IGSF10: variants seen among roughly 807,000 people sequenced by gnomAD.
The protein encoded by IGSF10 is immunoglobulin superfamily member 10, also known as calvaria mechanical force protein 608.
Under a neutral mutation model 128.2 loss-of-function variants are expected in IGSF10, and 126 were observed. That is an observed-to-expected ratio of 0.98 (90% confidence interval 0.85 to 1.14). The LOEUF is 1.14. Among genes scored for constraint, IGSF10 ranks in the 50% most tolerant of loss-of-function variants. IGSF10 has a pLI of 0.00. For synonymous variants in IGSF10, 1,185 were observed against 1,146.2 expected (o/e 1.03, Z -0.68); for missense variants, 3,295 against 3,149.8 (o/e 1.05, Z -1.10).
At chr3:151,492,904 A>T in the IGSF10 span, among the ~76,000 whole-genome samples, 1 of 152,070 alleles carries the variant, frequency 6.6e-6, no homozygotes, top group African/African-American at 2.4e-5. Context: ...GATAAAGGAA[A>T]TGTGAGATAT....
At chr3:151,522,152 G>A in the IGSF10 span, among the ~76,000 whole-genome samples, 1 of 151,958 alleles carries the variant, frequency 6.6e-6, no homozygotes, top group East Asian at 1.9e-4. Context: ...GAACCAGGAA[G>A]AAAATCCCTG....
chr3:151,436,430 C>A lies in IGSF10; in HGVS notation c.*259G>T. On this transcript the variant is annotated 3_prime_UTR_variant, in exon 8 of 8. Transcript: ENST00000282466. ...AGCCATTTGTTATTTTATAGTGAAC[C>A]GTTTCAATGTTTGTTTATTGTTATT... 1 of 311,744 alleles carries A rather than the reference C, an allele frequency of 3.2e-6. No individual in the cohort carries two copies. Among genetic ancestry groups the A allele is most frequent in the Non-Finnish European group, 5.9e-6 (1 of 170,344 alleles). The allele number at this position is 311,744 out of a possible 1,614,324, so 19.3% of individuals were successfully genotyped here. A position where few individuals can be genotyped will look rare whatever the true frequency, so the allele number is the denominator to read the frequency against.
chr3:151,516,470 T>G, the IGSF10 span, among the ~76,000 whole-genome samples: 1 of 152,066 alleles, frequency 6.6e-6, no homozygotes, highest in African/African-American at 2.4e-5. Context: ...GCCTTATATG[T>G]GGATAAACTT....
the IGSF10 span, among the ~76,000 whole-genome samples, chr3:151,519,679 G>A: frequency 2.0e-5 from 3 of 151,662 alleles, no homozygotes; most frequent in African/African-American, 2.4e-5. Flanking sequence ...AGTGTGAAAG[G>A]CATGCTAAAA....
chr3:151,452,182 A>G (rs1446621863), intron 5 of IGSF10, among the ~76,000 whole-genome samples: 1 of 152,214 alleles, frequency 6.6e-6, no homozygotes, highest in Non-Finnish European at 1.5e-5. Flanking sequence ...GTGAGCCCCT[A>G]TGGGTTTAAT....
the IGSF10 span, among the ~76,000 whole-genome samples, chr3:151,467,753 G>A: frequency 7.3e-5 from 11 of 151,680 alleles, no homozygotes; most frequent in African/African-American, 1.7e-4. Context: ...GCGAGGTGGC[G>A]GGCACCTGTA....
chr3:151,488,248 G>C, the IGSF10 span, among the ~76,000 whole-genome samples: 6 of 152,140 alleles, frequency 3.9e-5, 1 homozygote, highest in South Asian at 1.2e-3. Context: ...TAAGTACCTA[G>C]GAATACAACT....
the IGSF10 span, among the ~76,000 whole-genome samples, chr3:151,547,427 T>TACACACACAC: frequency 2.6e-4 from 37 of 140,756 alleles, no homozygotes; most frequent in African/African-American, 8.0e-4. Flanking sequence ...TAAATATATA[T>TACACACACAC]ATACACACAC....
the IGSF10 span, among the ~76,000 whole-genome samples, chr3:151,541,826 A>G: frequency 6.6e-6 from 1 of 151,920 alleles, no homozygotes; most frequent in Non-Finnish European, 1.5e-5. Context: ...AGCTAGACCA[A>G]TCAGCTGTGG....
rs748451692 is a variant in IGSF10 at position 151,437,911 on chromosome 3, T to C, written c.6650A>G (p.Asn2217Ser). The C allele has an allele frequency of 5.0e-6, 8 of 1,614,020 alleles. 1 individual carries two copies. The highest frequency in any genetic ancestry group is 4.5e-5 in the East Asian group (2 of 44,894). Residue 2217 changes from asparagine (N) to serine (S), a missense_variant, in exon 8 of 8, where the codon AAT (asparagine) becomes AGT (serine). Coordinates refer to ENST00000282466, the MANE Select transcript of IGSF10 (RefSeq NM_178822.5). ...DSGEYVCVAR[N>S]PSGDDTKMYK... Reference sequence around the variant, plus strand: ...CATTTTGGTGTCATCCCCACTGGGATTTCGGGCTACACATACGTACTCTCC... The same window carrying C: ...CATTTTGGTGTCATCCCCACTGGGACTTCGGGCTACACATACGTACTCTCC...
Position 151,437,202 on chromosome 3 carries a change from A to G in IGSF10, c.7359T>C (p.His2453=), listed in dbSNP as rs1411663995. 6.2e-7 allele frequency: 1 copy of G among 1,614,190 alleles called. No individual in the cohort carries two copies. Among genetic ancestry groups the G allele is most frequent in the African/African-American group, 1.3e-5 (1 of 75,048 alleles). ...GCTTAGGGATTCCATCAGACACACA[A>G]TGCAGTGATAGAGATTCTCCACTGA... The part of the protein sequence containing the change: ...KGISGESLSL[H]CVSDGIPKPN... Residue 2453 remains histidine (H), a synonymous_variant, in exon 8 of 8, where the codon CAT becomes CAC. Transcript: ENST00000282466.
In IGSF10 at chr3:151,438,423, A is replaced by C; in HGVS notation, c.6138T>G (p.Phe2046Leu). 1 of 1,614,160 alleles carries C rather than the reference A, an allele frequency of 6.2e-7. No homozygotes were observed. The highest frequency in any genetic ancestry group is 8.5e-7 in the Non-Finnish European group (1 of 1,180,026). ...CTTTCCCATGGAGCACTTGCTTTCT[A>C]AAATACTGCTTGTGGTCAATTTTGG... ...KPAKIDHKQY[F>L]RKQVLHGKDF... The change falls in exon 8 of 8, where the codon TTT becomes TTG. Residue 2046 changes from phenylalanine to leucine, a missense_variant. Coordinates refer to ENST00000282466, the MANE Select transcript of IGSF10 (RefSeq NM_178822.5).
In IGSF10 at chr3:151,438,273, A is replaced by G. The variant is rs775221370; in HGVS notation, c.6288T>C (p.Tyr2096=). ...ADDSGHRTRR[Y]TLFNNGTLYF... ...ATAAAGTTCCATTGTTGAAAAGGGTATATCTCCTAGTCCTGTGGCCACTGT... is the reference window on the plus strand; with the variant it reads ...ATAAAGTTCCATTGTTGAAAAGGGTGTATCTCCTAGTCCTGTGGCCACTGT... The change falls in exon 8 of 8, where the codon TAT becomes TAC. Residue 2096 remains tyrosine, a synonymous_variant. Transcript: ENST00000282466. The G allele has an allele frequency of 5.6e-6, 9 of 1,614,056 alleles. No homozygotes were observed. The highest frequency in any genetic ancestry group is 2.2e-5 in the East Asian group (1 of 44,904).
chr3:151,461,063 A>C, upstream of IGSF10: 2 of 985,298 alleles, frequency 2.0e-6, no homozygotes, highest in Non-Finnish European at 2.4e-6. Flanking sequence ...GGAAGGAAGG[A>C]AGGCGGAGCG....
the IGSF10 span, among the ~76,000 whole-genome samples, chr3:151,510,982 G>A: frequency 2.2e-4 from 34 of 152,316 alleles, no homozygotes; most frequent in South Asian, 1.2e-3. Context: ...CCAAATCTAC[G>A]TCTAATTGGT....
the IGSF10 span, among the ~76,000 whole-genome samples, chr3:151,502,213 T>C: frequency 6.6e-6 from 1 of 152,112 alleles, no homozygotes; most frequent in Non-Finnish European, 1.5e-5. Flanking sequence ...TTATCTTTTT[T>C]TTTCATTATG....
rs770963180 is a variant in IGSF10 at position 151,437,978 on chromosome 3, T to G, written c.6583A>C (p.Asn2195His). Residue 2195 changes from asparagine to histidine, a missense_variant, in exon 8 of 8, where the codon AAT becomes CAT. By Grantham distance (68) the Asn-to-His change is moderately conservative. Transcript: ENST00000282466. ...ACTTTGTTGATGGTCAAAGACCCAT[T>G]GGCATGAAATGTGTACCTATCAATG... The part of the protein sequence containing the change: ...FSIDRYTFHA[N>H]GSLTINKVKL... 3 of 1,614,220 alleles carry G rather than the reference T, an allele frequency of 1.9e-6. No individual in the cohort carries two copies. Among genetic ancestry groups the G allele is most frequent in the Admixed American group, 1.7e-5 (1 of 60,018 alleles).
chr3:151,520,546 T>G, the IGSF10 span, among the ~76,000 whole-genome samples: 3 of 151,826 alleles, frequency 2.0e-5, no homozygotes, highest in African/African-American at 7.2e-5. Context: ...GCTGAAACCC[T>G]ACAAGCCAGA....
chr3:151,493,125 G>C, the IGSF10 span, among the ~76,000 whole-genome samples: 1 of 152,088 alleles, frequency 6.6e-6, no homozygotes, highest in African/African-American at 2.4e-5. Context: ...GGAAAAAAAG[G>C]TTAAATAGAA....
Sources: allele counts gnomAD v4.1 joint callset (sites outside exome capture counted in the v4.1 genomes callset), GRCh38; gene constraint gnomAD v4.1.1; transcripts MANE v1.5; gene names NCBI Gene and HGNC (gene_info 2026-07-23, HGNC 2026-07-21).